Variants in LRRC4C observed in about 807,000 individuals in gnomAD.
LRRC4C encodes leucine-rich repeat-containing protein 4C.
A neutral mutation model predicts 33.6 loss-of-function variants in LRRC4C; 5 were observed. That is an observed-to-expected ratio of 0.15 (90% CI 0.08 to 0.31). The LOEUF (loss-of-function observed/expected upper bound fraction) is 0.31. LRRC4C is among the 10% of genes least tolerant of loss of function. The probability of loss-of-function intolerance (pLI) is 1.00; values close to 1 mark genes in which losing one functional copy is unlikely to be tolerated. For synonymous variants in LRRC4C, 329 were observed against 302.0 expected (o/e 1.09, Z -0.93); for missense variants, 560 against 796.7 (o/e 0.70, Z 3.58).
intron 1 of LRRC4C, among the ~76,000 whole-genome samples, chr11:41,456,227 T>A (rs959189865): frequency 1.3e-5 from 2 of 152,130 alleles, no homozygotes; most frequent in African/African-American, 4.8e-5. Flanking sequence ...TCAGCTCAGC[T>A]CTTTGAGCTA....
intron 6 of LRRC4C, among the ~76,000 whole-genome samples, chr11:40,119,198 T>A (rs963429190): frequency 1.3e-5 from 2 of 152,206 alleles, no homozygotes; most frequent in African/African-American, 4.8e-5. Context: ...GCAGCTGTCA[T>A]TAGCAATCCT....
intron 4 of LRRC4C, among the ~76,000 whole-genome samples, chr11:40,315,193 A>T (rs1381076539): frequency 6.6e-6 from 1 of 151,954 alleles, no homozygotes; most frequent in Admixed American, 6.6e-5. Context: ...TTGAAAAAAT[A>T]AAATACTGCA....
chr11:40,243,434 C>T (rs1866074413), intron 4 of LRRC4C, among the ~76,000 whole-genome samples: 1 of 151,888 alleles, frequency 6.6e-6, no homozygotes, highest in Non-Finnish European at 1.5e-5. Context: ...TCATACATCT[C>T]ATATTATTGA....
At chr11:40,890,133 C>T (rs1018997765) in intron 2 of LRRC4C, among the ~76,000 whole-genome samples, 1 of 152,100 alleles carries the variant, frequency 6.6e-6, no homozygotes, top group African/African-American at 2.4e-5. Flanking sequence ...ACATTTGTGT[C>T]ATAATGAGAT....
At chr11:40,784,487 AT>A (rs1280725713) in intron 2 of LRRC4C, among the ~76,000 whole-genome samples, 1 of 152,120 alleles carries the variant, frequency 6.6e-6, no homozygotes, top group South Asian at 2.1e-4. Context: ...ATTAGATCTC[AT>A]TTTTTCTGCT....
intron 5 of LRRC4C, among the ~76,000 whole-genome samples, chr11:40,181,482 A>G (rs144970432): frequency 5.9e-5 from 9 of 152,276 alleles, no homozygotes; most frequent in African/African-American, 1.9e-4. Flanking sequence ...GGGGTACACT[A>G]CAAATTAGGA....
intron 3 of LRRC4C, among the ~76,000 whole-genome samples, chr11:40,601,569 C>A (rs901402676): frequency 6.6e-6 from 1 of 152,110 alleles, no homozygotes; most frequent in Admixed American, 6.5e-5. Flanking sequence ...CAATCAAGTA[C>A]AAAAATCACT....
chr11:40,920,675 T>C (rs143416962), intron 2 of LRRC4C, among the ~76,000 whole-genome samples: 5 of 152,228 alleles, frequency 3.3e-5, no homozygotes, highest in African/African-American at 1.2e-4. Flanking sequence ...AATTCACCCA[T>C]TTATCTCAGA....
intron 2 of LRRC4C, among the ~76,000 whole-genome samples, chr11:40,772,107 G>C (rs966934084): frequency 6.6e-6 from 1 of 152,104 alleles, no homozygotes; most frequent in South Asian, 2.1e-4. Flanking sequence ...CCCAAGACCG[G>C]GTAATTTATA....
chr11:40,926,456 T>C (rs1408778462), intron 2 of LRRC4C, among the ~76,000 whole-genome samples: 2 of 152,226 alleles, frequency 1.3e-5, no homozygotes, highest in African/African-American at 2.4e-5. Flanking sequence ...ATCTATCAGA[T>C]TGGCAAATGT....
At chr11:40,611,106 A>G (rs1197827373) in intron 3 of LRRC4C, among the ~76,000 whole-genome samples, 1 of 151,950 alleles carries the variant, frequency 6.6e-6, no homozygotes, top group Non-Finnish European at 1.5e-5. Context: ...GAAGCCTCAC[A>G]CTTCCTGACT....
intron 2 of LRRC4C, among the ~76,000 whole-genome samples, chr11:40,676,068 G>A (rs1226892157): frequency 2.0e-5 from 3 of 151,984 alleles, no homozygotes; most frequent in African/African-American, 4.8e-5. Context: ...GAACAAAATA[G>A]GTTTTCTAAA....
intron 1 of LRRC4C, among the ~76,000 whole-genome samples, chr11:41,391,487 A>G (rs552060534): frequency 6.6e-6 from 1 of 152,074 alleles, no homozygotes; most frequent in East Asian, 1.9e-4. Flanking sequence ...TAATTCTACA[A>G]ATATGTATTG....
At chr11:40,593,971 T>C (rs1959167397) in intron 3 of LRRC4C, among the ~76,000 whole-genome samples, 1 of 152,194 alleles carries the variant, frequency 6.6e-6, no homozygotes, top group African/African-American at 2.4e-5. Flanking sequence ...TCCAGTTATG[T>C]AATATCACTA....
chr11:41,432,267 G>A (rs1178246272), intron 1 of LRRC4C, among the ~76,000 whole-genome samples: 3 of 152,192 alleles, frequency 2.0e-5, no homozygotes, highest in African/African-American at 7.2e-5. Flanking sequence ...ATATTAGGCA[G>A]TGGAAACTTT....
chr11:41,192,322 ATGTGTGTGTGTG>A (rs112844436), intron 1 of LRRC4C, among the ~76,000 whole-genome samples: 17 of 146,240 alleles, frequency 1.2e-4, no homozygotes, highest in East Asian at 6.3e-4. Flanking sequence ...CATGAATTAA[ATGTGTGTGTGTG>A]TGTGTGTGTG....
chr11:40,438,554 T>C (rs185992276), intron 3 of LRRC4C, among the ~76,000 whole-genome samples: 1 of 152,326 alleles, frequency 6.6e-6, no homozygotes, highest in Non-Finnish European at 1.5e-5. Context: ...GTCTGGCTAA[T>C]AGTGGACCCT....
chr11:41,005,660 GCT>G (rs915152902), intron 1 of LRRC4C, among the ~76,000 whole-genome samples: 39 of 151,688 alleles, frequency 2.6e-4, no homozygotes, highest in South Asian at 2.5e-3. Context: ...TCTCTGTCTT[GCT>G]CTCTCTCTCT....
chr11:41,363,108 C>T (rs541686218), intron 1 of LRRC4C, among the ~76,000 whole-genome samples: 28 of 152,264 alleles, frequency 1.8e-4, no homozygotes, highest in African/African-American at 6.7e-4. Context: ...TGCATGGTAG[C>T]CAACTTGACA....
Sources: gnomAD v4.1 joint callset for allele counts (sites outside exome capture counted in the v4.1 genomes callset) on GRCh38, gnomAD v4.1.1 for gene constraint, MANE v1.5 for transcripts, NCBI Gene and HGNC (gene_info 2026-07-23, HGNC 2026-07-21) for gene names.